PMFBP1: variants seen among roughly 807,000 people sequenced by gnomAD.
The protein encoded by PMFBP1 is polyamine modulated factor 1 binding protein 1, also known as polyamine-modulated factor 1-binding protein 1.
PMFBP1 carries 131 observed loss-of-function variants against 137.8 expected under a neutral mutation model. The ratio of observed to expected loss-of-function variants is 0.95; its 90% CI spans 0.82 to 1.10. The LOEUF (loss-of-function observed/expected upper bound fraction) is 1.10. Ranked by LOEUF, PMFBP1 falls within the 50% of genes least tolerant of loss-of-function variation. The probability of loss-of-function intolerance (pLI) is 0.00; values close to 1 mark genes in which losing one functional copy is unlikely to be tolerated. For synonymous variants in PMFBP1, 490 were observed against 450.4 expected (o/e 1.09, Z -1.11); for missense variants, 1,199 against 1,175.4 (o/e 1.02, Z -0.29).
chr16:72,123,371 T>A (rs564850619), intron 18 of PMFBP1, among the ~76,000 whole-genome samples, 175 bp downstream of exon 18: 2 of 152,344 alleles, frequency 1.3e-5, no homozygotes, highest in African/African-American at 4.8e-5. Context: ...TTTCCAGGCC[T>A]GCCTGAAGGG....
At position 72,130,285 on chromosome 16, in the gene PMFBP1, CT is replaced by C. The variant is rs754586633; in HGVS notation, c.1709del (p.Lys570ArgfsTer13). ...LRKLENSDKE[K>X]RQLQKTVAEQ... ...CAGCCACTGTCTTCTGAAGCTGCCT[CT>C]TTTCCTTGTCTGAATTTTCAAGCTT... is the stretch of plus-strand genomic sequence containing the variant. On this transcript the variant is annotated frameshift_variant, in exon 12 of 21. Transcript: ENST00000237353. LOFTEE classifies it high-confidence loss of function. 6.2e-7 allele frequency: 1 copy of C among 1,614,198 alleles called. No individual in the cohort carries two copies. The highest frequency in any genetic ancestry group is 1.1e-5 in the South Asian group (1 of 91,088).
chr16:72,212,049 T>C, the PMFBP1 span, among the ~76,000 whole-genome samples: 299 of 152,026 alleles, frequency 2.0e-3, 1 homozygote, highest in Non-Finnish European at 3.6e-3. Flanking sequence ...AGTTGGAAGG[T>C]AACATCAAGA....
chr16:72,152,492 T>C (rs2042915873), intron 4 of PMFBP1, among the ~76,000 whole-genome samples: 1 of 151,736 alleles, frequency 6.6e-6, no homozygotes, highest in Non-Finnish European at 1.5e-5. Context: ...AGGAAGGGAG[T>C]GTGCCTTTCC....
the PMFBP1 span, among the ~76,000 whole-genome samples, chr16:72,191,388 T>C: frequency 3.9e-5 from 6 of 152,236 alleles, no homozygotes; most frequent in Admixed American, 3.9e-4. Flanking sequence ...TAAAAACACA[T>C]TTAGTACATT....
At chr16:72,138,474 C>A (rs2042666828) in intron 7 of PMFBP1, among the ~76,000 whole-genome samples, 1 of 152,146 alleles carries the variant, frequency 6.6e-6, no homozygotes, top group Non-Finnish European at 1.5e-5. Context: ...AAGAGGACAC[C>A]TGGCCATGTT....
upstream of PMFBP1, among the ~76,000 whole-genome samples, chr16:72,180,257 A>G (rs935727350): frequency 1.2e-4 from 19 of 152,224 alleles, no homozygotes; most frequent in African/African-American, 4.3e-4. Context: ...CCCTTCCTAC[A>G]TGGGACTGGT....
intron 4 of PMFBP1, among the ~76,000 whole-genome samples, chr16:72,153,116 A>G (rs957056748): frequency 5.3e-5 from 8 of 152,132 alleles, no homozygotes; most frequent in African/African-American, 1.9e-4. Context: ...TCCAGGCTGG[A>G]CCCTTTTGTT....
the PMFBP1 span, among the ~76,000 whole-genome samples, chr16:72,223,709 C>G: frequency 5.9e-5 from 9 of 152,226 alleles, no homozygotes; most frequent in Non-Finnish European, 5.9e-5. Flanking sequence ...AGGACAAAAA[C>G]TAGTAGACAT....
upstream of PMFBP1, among the ~76,000 whole-genome samples, chr16:72,177,813 C>G (rs780413702): frequency 6.6e-6 from 1 of 152,182 alleles, no homozygotes; most frequent in African/African-American, 2.4e-5. Flanking sequence ...CTCAGTCTTT[C>G]CTTGTCTTCC....
the PMFBP1 span, among the ~76,000 whole-genome samples, chr16:72,209,336 T>C: frequency 6.6e-6 from 1 of 152,186 alleles, no homozygotes; most frequent in African/African-American, 2.4e-5. Flanking sequence ...ACTTTTATTT[T>C]AAAGGTCATC....
At chr16:72,185,682 G>A in the PMFBP1 span, among the ~76,000 whole-genome samples, 1 of 152,038 alleles carries the variant, frequency 6.6e-6, no homozygotes, top group African/African-American at 2.4e-5. Context: ...ATAGATCAAG[G>A]GATTGTAAAT....
intron 3 of PMFBP1, chr16:72,164,313 G>A (rs2043110355): frequency 3.2e-6 from 3 of 924,554 alleles, no homozygotes; most frequent in Non-Finnish European, 4.6e-6. Flanking sequence ...AAGCTTGCAG[G>A]CAGTGAGACG....
Position 72,119,846 on chromosome 16 carries a change from C to T in PMFBP1, c.3007+5G>A, listed in dbSNP as rs373939560. On this transcript the variant is annotated splice_donor_5th_base_variant and intron_variant, in intron 20 of 20. Transcript: ENST00000237353. ...ACTTATTTTTTTGACAAATGGCAGA[C>T]GTACCCGGGCAGTGGGGCATCCCGA... The T allele has an allele frequency of 2.0e-5, 32 of 1,610,908 alleles. No individual in the cohort carries two copies. The highest frequency in any genetic ancestry group is 1.7e-4 in the Middle Eastern group (1 of 6,058).
At chr16:72,189,965 T>C in the PMFBP1 span, among the ~76,000 whole-genome samples, 1 of 152,112 alleles carries the variant, frequency 6.6e-6, no homozygotes, top group African/African-American at 2.4e-5. Context: ...GGTTGAGTCA[T>C]GAGTCACGGG....
In PMFBP1 at chr16:72,120,034, CCTT is replaced by C. The variant is rs781233071; in HGVS notation, c.2821_2823del (p.Lys941del). 7.4e-6 allele frequency: 12 copies of C among 1,614,066 alleles called. No homozygotes were observed. The African/African-American group carries it at 1.2e-4, about 16-fold the overall frequency. On this transcript the variant is annotated inframe_deletion, in exon 20 of 21. Transcript: ENST00000237353. ...GCTTTCATCTTCTTCTCTTCTATCT[CCTT>C]CTTCAGCTTCTTGTTTTCCTGCTGC...
the PMFBP1 span, among the ~76,000 whole-genome samples, chr16:72,195,703 T>C: frequency 1.3e-5 from 2 of 152,388 alleles, no homozygotes; most frequent in South Asian, 2.1e-4. Context: ...GATCTTGTTA[T>C]ACAGTTTGAT....
At chr16:72,121,358 C>T (rs745763640) in intron 19 of PMFBP1, among the ~76,000 whole-genome samples, 3 of 152,184 alleles carry the variant, frequency 2.0e-5, no homozygotes, top group Non-Finnish European at 4.4e-5. Flanking sequence ...CTGGCTCCCT[C>T]CTGTCAGCAT....
intron 3 of PMFBP1, among the ~76,000 whole-genome samples, chr16:72,161,074 C>T (rs901637735): frequency 6.7e-6 from 1 of 149,940 alleles, no homozygotes; most frequent in Admixed American, 6.7e-5. Context: ...CCTTATATCA[C>T]TGGATAGGTT....
At chr16:72,227,644 C>T in the PMFBP1 span, among the ~76,000 whole-genome samples, 5 of 152,118 alleles carry the variant, frequency 3.3e-5, no homozygotes, top group Non-Finnish European at 7.4e-5. Context: ...TTTATCATTG[C>T]TCAGGAGGCA....
Sources: gnomAD v4.1 joint callset for allele counts (sites outside exome capture counted in the v4.1 genomes callset) on GRCh38, gnomAD v4.1.1 for gene constraint, MANE v1.5 for transcripts, NCBI Gene and HGNC (gene_info 2026-07-23, HGNC 2026-07-21) for gene names.